The following FRMD5 variants were observed in gnomAD, a reference collection of about 807,000 sequenced individuals.
FRMD5 encodes the protein FERM domain-containing protein 5.
In FRMD5, 20 loss-of-function variants were observed where a neutral mutation model predicts 69.0. That is an observed-to-expected ratio of 0.29 (90% CI 0.20 to 0.42). The LOEUF is 0.42. FRMD5 is among the 10% of genes least tolerant of loss of function. FRMD5 has a pLI of 1.00. For synonymous variants in FRMD5, 271 were observed against 260.1 expected, an observed-to-expected ratio of 1.04 and a Z score of -0.40; for missense variants, 595 against 708.6, an observed-to-expected ratio of 0.84 and a Z score of 1.82.
intron 2 of FRMD5, among the ~76,000 whole-genome samples, chr15:43,923,030 T>C (rs1053852969): frequency 7.2e-5 from 11 of 152,164 alleles, no homozygotes; most frequent in African/African-American, 2.4e-4. Flanking sequence ...ATTACCTCTC[T>C]ACTTTGGTGG....
At chr15:43,918,078 C>T (rs1355112554) in intron 4 of FRMD5, among the ~76,000 whole-genome samples, 7 of 152,210 alleles carry the variant, frequency 4.6e-5, no homozygotes, top group African/African-American at 1.7e-4. Flanking sequence ...CTGATTTCCT[C>T]TCTTAGAGAA....
At chr15:44,139,307 A>G (rs1448075223) in intron 1 of FRMD5, among the ~76,000 whole-genome samples, 1 of 151,364 alleles carries the variant, frequency 6.6e-6, no homozygotes, top group Non-Finnish European at 1.5e-5. Context: ...CTACACACAC[A>G]CACACACACA....
intron 1 of FRMD5, among the ~76,000 whole-genome samples, chr15:44,082,347 G>A (rs1380129140): frequency 6.6e-6 from 1 of 151,944 alleles, no homozygotes; most frequent in Non-Finnish European, 1.5e-5. Flanking sequence ...TTCTGGTGGT[G>A]AGATACTCTC....
At chr15:44,151,422 A>G (rs1179797552) in intron 1 of FRMD5, among the ~76,000 whole-genome samples, 1 of 151,652 alleles carries the variant, frequency 6.6e-6, no homozygotes, top group Admixed American at 6.6e-5. Flanking sequence ...GAAAGAAAGA[A>G]AGAAAAAAGA....
intron 1 of FRMD5, among the ~76,000 whole-genome samples, chr15:44,138,472 T>A (rs1242827130): frequency 1.3e-5 from 2 of 152,162 alleles, no homozygotes; most frequent in African/African-American, 2.4e-5. Context: ...CAATAATGGA[T>A]GCCTTGAAGA....
chr15:43,909,715 G>C (rs2089250721), intron 5 of FRMD5, among the ~76,000 whole-genome samples, 167 bp downstream of exon 5: 1 of 152,038 alleles, frequency 6.6e-6, no homozygotes, highest in African/African-American at 2.4e-5. Flanking sequence ...CCTAACCTCA[G>C]GTGATCTGCC....
At chr15:44,015,606 A>G (rs1284865038) in intron 1 of FRMD5, among the ~76,000 whole-genome samples, 2 of 152,202 alleles carry the variant, frequency 1.3e-5, no homozygotes, top group African/African-American at 4.8e-5. Flanking sequence ...TTAATTTCAG[A>G]AAAGTCTGTG....
At chr15:43,976,878 T>G (rs2090471833) in intron 1 of FRMD5, among the ~76,000 whole-genome samples, 1 of 151,990 alleles carries the variant, frequency 6.6e-6, no homozygotes, top group Admixed American at 6.6e-5. Flanking sequence ...GTTGCCAGGC[T>G]GGAGTGCAGT....
intron 1 of FRMD5, among the ~76,000 whole-genome samples, chr15:44,071,586 A>G (rs951834026): frequency 6.6e-6 from 1 of 152,228 alleles, no homozygotes; most frequent in African/African-American, 2.4e-5. Flanking sequence ...CTTACAGCTA[A>G]TTATAAACTT....
chr15:44,074,664 A>G (rs1893683901), intron 1 of FRMD5, among the ~76,000 whole-genome samples: 1 of 152,034 alleles, frequency 6.6e-6, no homozygotes, highest in Admixed American at 6.6e-5. Context: ...TTTTTCCTGT[A>G]CCAGGTTTTT....
In FRMD5 at chr15:43,873,426, A is replaced by G; in HGVS notation, c.*459T>C. ...AGGCTGCAGTGATGAGTCTACTGGA[A>G]CCCAGTGGCACCAGCAGGAAAAGCT... is the stretch of plus-strand genomic sequence containing the variant. On this transcript the variant is annotated 3_prime_UTR_variant, in exon 14 of 14. Coordinates refer to ENST00000417257, the MANE Select transcript of FRMD5 (RefSeq NM_032892.5). The G allele has an allele frequency of 7.0e-7, 1 of 1,433,488 alleles. No homozygotes were observed. Among genetic ancestry groups the G allele is most frequent in the Non-Finnish European group, 9.1e-7 (1 of 1,103,794 alleles). The allele number at this position is 1,433,488 out of a possible 1,614,324, so 88.8% of individuals were successfully genotyped here. A position where few individuals can be genotyped will look rare whatever the true frequency, so the allele number is the denominator to read the frequency against.
intron 1 of FRMD5, among the ~76,000 whole-genome samples, chr15:44,038,422 G>C (rs963656848): frequency 6.8e-6 from 1 of 147,738 alleles, no homozygotes; most frequent in African/African-American, 2.5e-5. Context: ...TATGGTTTTA[G>C]GTCTTATGTT....
intron 1 of FRMD5, among the ~76,000 whole-genome samples, chr15:44,005,734 C>T (rs1890415862): frequency 6.6e-6 from 1 of 151,990 alleles, no homozygotes; most frequent in Admixed American, 6.6e-5. Context: ...ACTCTTATCC[C>T]AAGAACAGCA....
chr15:44,022,372 C>G (rs1459721026), intron 1 of FRMD5, among the ~76,000 whole-genome samples: 1 of 150,944 alleles, frequency 6.6e-6, no homozygotes, highest in African/African-American at 2.4e-5. Flanking sequence ...TGAGACCAGC[C>G]TGGCCAACAT....
Position 43,871,340 on chromosome 15 carries a change from A to G in FRMD5, c.*2545T>C, listed in dbSNP as rs1013228996. The G allele has an allele frequency of 3.3e-5, 5 of 152,260 alleles. No homozygotes were observed. Among genetic ancestry groups the G allele is most frequent in the African/African-American group, 9.6e-5 (4 of 41,470 alleles). 9.4% of individuals were successfully genotyped at this position (152,260 alleles called of 1,614,324 possible). A position where few individuals can be genotyped will look rare whatever the true frequency, so the allele number is the denominator to read the frequency against. On this transcript the variant is annotated 3_prime_UTR_variant, in exon 14 of 14. Transcript: ENST00000417257. Reference sequence around the variant, plus strand: ...CTACTGTACTGTTAGAACTCTAGACACAAGGAACATACTAGGATATGGAAT... The same window carrying G: ...CTACTGTACTGTTAGAACTCTAGACGCAAGGAACATACTAGGATATGGAAT...
intron 7 of FRMD5, among the ~76,000 whole-genome samples, chr15:43,900,623 T>G (rs913029115): frequency 2.6e-5 from 4 of 151,578 alleles, no homozygotes; most frequent in African/African-American, 9.7e-5. Flanking sequence ...TTCCTGGTTT[T>G]TTTTTTTTTT....
intron 1 of FRMD5, among the ~76,000 whole-genome samples, chr15:44,042,390 A>T (rs1427334644): frequency 6.6e-6 from 1 of 152,160 alleles, no homozygotes; most frequent in East Asian, 1.9e-4. Context: ...ATGATTCCAA[A>T]CAATAGAAAA....
At chr15:44,098,530 A>G (rs2076589411) in intron 1 of FRMD5, among the ~76,000 whole-genome samples, 1 of 133,602 alleles carries the variant, frequency 7.5e-6, no homozygotes, top group African/African-American at 2.5e-5. Context: ...TCTCAAAAAA[A>G]AAAAAAAAAG....
At chr15:44,132,043 A>C (rs1200843104) in intron 1 of FRMD5, among the ~76,000 whole-genome samples, 1 of 152,306 alleles carries the variant, frequency 6.6e-6, no homozygotes, top group East Asian at 1.9e-4. Flanking sequence ...AGATGGTCCC[A>C]TCTGGGGGTA....
Sources: gnomAD v4.1 joint callset for allele counts (sites outside exome capture counted in the v4.1 genomes callset) on GRCh38, gnomAD v4.1.1 for gene constraint, MANE v1.5 for transcripts, NCBI Gene and HGNC (gene_info 2026-07-23, HGNC 2026-07-21) for gene names.